The following XRN1 variants were observed in gnomAD, a reference collection of about 807,000 sequenced individuals.
XRN1 encodes 5'-3' exoribonuclease 1.
XRN1 carries 67 observed loss-of-function variants against 222.3 expected under a neutral mutation model. The observed-to-expected ratio is 0.30, with a 90% CI of 0.25 to 0.37. XRN1 has a LOEUF of 0.37. XRN1 is among the 10% of genes least tolerant of loss of function. The pLI is 1.00. For missense variants in XRN1, 1,707 were observed against 2,000.2 expected (o/e 0.85, Z 2.80); for synonymous variants, 643 against 652.4 (o/e 0.99, Z 0.22).
At chr3:142,423,535 C>G (rs749325507) in intron 6 of XRN1, 25 bp downstream of exon 6, 1 of 1,542,912 alleles carries the variant, frequency 6.5e-7, no homozygotes. Context: ...TTTCTTTCTT[C>G]CAACATATAT....
At chr3:142,369,730 A>G (rs976663486) in intron 27 of XRN1, among the ~76,000 whole-genome samples, 3 of 151,862 alleles carry the variant, frequency 2.0e-5, no homozygotes, top group African/African-American at 7.3e-5. Context: ...GTTCTACAAA[A>G]AGATGAACTG....
At chr3:142,334,840 AT>A (rs35363343) in intron 34 of XRN1, among the ~76,000 whole-genome samples, 23,433 of 140,452 alleles carry the variant, frequency 0.17, 2,038 homozygotes, top group Admixed American at 0.22. Flanking sequence ...CAAGTGATTA[AT>A]TTTTTTTTTT....
At chr3:142,330,389 T>C (rs1265394443) in intron 36 of XRN1, among the ~76,000 whole-genome samples, 1 of 152,156 alleles carries the variant, frequency 6.6e-6, no homozygotes, top group Non-Finnish European at 1.5e-5. Flanking sequence ...AAGATGATTT[T>C]AAAATTCTGA....
At chr3:142,369,761 A>G (rs2066930144) in intron 27 of XRN1, among the ~76,000 whole-genome samples, 1 of 151,424 alleles carries the variant, frequency 6.6e-6, no homozygotes. Context: ...GAATGTAGTT[A>G]GAGGCTGGGT....
At position 142,311,746 on chromosome 3, in the gene XRN1, G is replaced by A. The variant is rs1392917959; in HGVS notation, c.4850C>T (p.Thr1617Ile). Residue 1617 changes from threonine to isoleucine, a missense_variant, in exon 41 of 41, where the codon ACT becomes ATT. By Grantham distance (89) the Thr-to-Ile change is moderately conservative. Transcript: ENST00000392981. ...ATCTGGCTGGCTAGTCTGAACTGGA[G>A]TGGCTTGAGAACTCTGGGCTTCCTT... ...ENKEAQSSQATPVQTSQPDSS... is the reference protein window; with the variant it reads ...ENKEAQSSQAIPVQTSQPDSS... 11 of 1,613,958 alleles carry A rather than the reference G, an allele frequency of 6.8e-6. No homozygotes were observed. The South Asian group carries it at 9.9e-5, about 15-fold the overall frequency.
In XRN1 at chr3:142,316,053, T is replaced by C. The variant is rs548177934; in HGVS notation, c.4621+2539A>G. Among the ~76,000 whole-genome samples the C allele has an allele frequency of 2.0e-5, 3 of 152,298 alleles. No homozygotes were observed. In the East Asian group the frequency reaches 5.8e-4, roughly 29 times the overall value. The stretch of plus-strand genomic sequence containing the variant: ...AAGTACATTACATCATTTGTTTAAA[T>C]ATACAAACAGTGTTATCTATTTGTG... On this transcript the variant is annotated intron_variant, in intron 39 of 40. Transcript: ENST00000392981.
At chr3:142,442,824 C>T (rs905719087) in intron 1 of XRN1, among the ~76,000 whole-genome samples, 1 of 152,176 alleles carries the variant, frequency 6.6e-6, no homozygotes, top group Non-Finnish European at 1.5e-5. Context: ...AGCTCCGCCT[C>T]CTGGGTTCAC....
intron 15 of XRN1, among the ~76,000 whole-genome samples, chr3:142,411,883 G>T (rs1018546118): frequency 6.7e-6 from 1 of 149,718 alleles, no homozygotes; most frequent in Non-Finnish European, 1.5e-5. Flanking sequence ...GTGCAGTGGC[G>T]CGATCTCGGT....
At chr3:142,417,583 G>A (rs1256925112) in intron 12 of XRN1, among the ~76,000 whole-genome samples, 7 of 152,114 alleles carry the variant, frequency 4.6e-5, no homozygotes, top group African/African-American at 2.4e-5. Flanking sequence ...GAAAGGGATG[G>A]GAATCTTCTT....
chr3:142,341,216 A>C (rs1577251429), intron 33 of XRN1, among the ~76,000 whole-genome samples: 1 of 152,192 alleles, frequency 6.6e-6, no homozygotes, highest in African/African-American at 2.4e-5. Context: ...AGTGTTGTTA[A>C]GTGTTAAGTT....
chr3:142,316,493 C>A (rs1405337500), intron 39 of XRN1, among the ~76,000 whole-genome samples: 1 of 152,030 alleles, frequency 6.6e-6, no homozygotes, highest in Non-Finnish European at 1.5e-5. Flanking sequence ...TTGCTCATAT[C>A]AATTCTTTAG....
intron 30 of XRN1, among the ~76,000 whole-genome samples, chr3:142,357,477 T>C (rs1577283624): frequency 6.6e-6 from 1 of 151,956 alleles, no homozygotes; most frequent in East Asian, 1.9e-4. Flanking sequence ...CAGGATGGAG[T>C]GCAATGGTGC....
At chr3:142,316,350 G>A (rs886158591) in intron 39 of XRN1, among the ~76,000 whole-genome samples, 5 of 151,464 alleles carry the variant, frequency 3.3e-5, no homozygotes, top group African/African-American at 1.2e-4. Context: ...CCAAGTAGCT[G>A]GGACTATAGG....
At chr3:142,358,438 G>A (rs1166853038) in intron 30 of XRN1, among the ~76,000 whole-genome samples, 1 of 152,042 alleles carries the variant, frequency 6.6e-6, no homozygotes, top group Non-Finnish European at 1.5e-5. Context: ...AGATTTCTAT[G>A]AGAAACCTTT....
rs770085849 is a variant in XRN1, at chr3:142,356,978, T to A, written c.3606A>T (p.Ser1202=). ...CTCCCAAATGCCCAGAGGAAACTGA[T>A]GAACTTGAGCTATGTTGATGTACAG... ...QPAVHQHSSS[S]SVSSGHLGAL... is the part of the protein sequence containing the mutation. The change falls in exon 31 of 41, where the codon TCA becomes TCT. Residue 1202 remains serine (S), a synonymous_variant. Transcript: ENST00000392981. 1 of 1,613,988 alleles carries A rather than the reference T, an allele frequency of 6.2e-7. No homozygotes were observed. The highest frequency in any genetic ancestry group is 2.2e-5 in the East Asian group (1 of 44,884).
At chr3:142,402,965 C>T (rs888370384) in intron 18 of XRN1, among the ~76,000 whole-genome samples, 1 of 152,148 alleles carries the variant, frequency 6.6e-6, no homozygotes, top group African/African-American at 2.4e-5. Flanking sequence ...TCACCTGATG[C>T]TACACTCGCA....
chr3:142,374,339 A>G (rs2067076938), intron 25 of XRN1, among the ~76,000 whole-genome samples: 1 of 152,230 alleles, frequency 6.6e-6, no homozygotes, highest in Admixed American at 6.5e-5. Flanking sequence ...GAAGTCTCCA[A>G]GAGAAAAATG....
At chr3:142,316,885 T>C (rs556049874) in intron 39 of XRN1, among the ~76,000 whole-genome samples, 11 of 152,050 alleles carry the variant, frequency 7.2e-5, no homozygotes, top group African/African-American at 2.2e-4. Context: ...CTGGGCAACA[T>C]AGTGAGACCT....
intron 13 of XRN1, among the ~76,000 whole-genome samples, chr3:142,415,186 AC>A (rs2068735719): frequency 6.6e-6 from 1 of 152,212 alleles, no homozygotes; most frequent in Non-Finnish European, 1.5e-5. Context: ...TGTTTTTATT[AC>A]CTTCTCATCT....
Sources: allele counts gnomAD v4.1 joint callset (sites outside exome capture counted in the v4.1 genomes callset), GRCh38; gene constraint gnomAD v4.1.1; transcripts MANE v1.5; gene names NCBI Gene and HGNC (gene_info 2026-07-23, HGNC 2026-07-21).